RETREG1: variants seen among roughly 807,000 people sequenced by gnomAD.
The protein encoded by RETREG1 is reticulophagy regulator 1.
In RETREG1, 44 loss-of-function variants were observed where a neutral mutation model predicts 54.8. That is an observed-to-expected ratio of 0.80 (90% confidence interval 0.63 to 1.03). The LOEUF (loss-of-function observed/expected upper bound fraction) is 1.03, where lower values mean the gene tolerates loss of function less well. Among genes scored for constraint, RETREG1 ranks in the 50% least tolerant of loss-of-function variants. The pLI is 0.00. For synonymous variants in RETREG1, 217 were observed against 238.5 expected, an observed-to-expected ratio of 0.91 and a Z score of 0.83; for missense variants, 554 against 605.1, an observed-to-expected ratio of 0.92 and a Z score of 0.89.
chr5:16,498,684 C>T (rs370996234), intron 3 of RETREG1, among the ~76,000 whole-genome samples: 16 of 152,274 alleles, frequency 1.1e-4, no homozygotes, highest in African/African-American at 2.4e-4. Flanking sequence ...TGCACTCCAG[C>T]CTGGGCAACA....
intron 2 of RETREG1, among the ~76,000 whole-genome samples, chr5:16,570,908 T>C (rs913634830): frequency 6.6e-6 from 1 of 152,074 alleles, no homozygotes; most frequent in Non-Finnish European, 1.5e-5. Flanking sequence ...CATTGAAGAA[T>C]ACAACTGAAA....
chr5:16,500,366 G>C (rs1561090835), intron 3 of RETREG1, among the ~76,000 whole-genome samples: 1 of 152,156 alleles, frequency 6.6e-6, no homozygotes, highest in Non-Finnish European at 1.5e-5. Context: ...TTACTGGTGT[G>C]GCGGTACAAG....
chr5:16,511,546 A>G (rs1374701020), intron 3 of RETREG1, among the ~76,000 whole-genome samples: 1 of 152,210 alleles, frequency 6.6e-6, no homozygotes, highest in Non-Finnish European at 1.5e-5. Context: ...GCGCCCTGTC[A>G]TGCATGTTAA....
At chr5:16,556,709 T>G (rs1741717864) in intron 3 of RETREG1, among the ~76,000 whole-genome samples, 1 of 152,198 alleles carries the variant, frequency 6.6e-6, no homozygotes, top group African/African-American at 2.4e-5. Flanking sequence ...CTGTTTTGAC[T>G]TGACAAATCT....
rs546179974 is a variant in RETREG1 at position 16,606,691 on chromosome 5, T to A, written c.320+9961A>T. On this transcript the variant is annotated intron_variant, in intron 1 of 8. Transcript: ENST00000306320. The stretch of plus-strand genomic sequence containing the variant: ...CCAAATCATTCTGTCCTCCTGATTT[T>A]ATCTCCAGAGTCACCCCAAATCCAT... Among the ~76,000 whole-genome samples the A allele has an allele frequency of 2.6e-5, 4 of 152,218 alleles. No individual in the cohort carries two copies. In the South Asian group the frequency reaches 6.2e-4, roughly 24 times the overall value.
At chr5:16,528,074 G>A (rs1740779081) in intron 3 of RETREG1, among the ~76,000 whole-genome samples, 1 of 152,022 alleles carries the variant, frequency 6.6e-6, no homozygotes, top group African/African-American at 2.4e-5. Flanking sequence ...CTCCCAAAAT[G>A]CTGGGATTAC....
chr5:16,537,563 T>C (rs1741110661), intron 3 of RETREG1, among the ~76,000 whole-genome samples: 1 of 152,210 alleles, frequency 6.6e-6, no homozygotes, highest in Non-Finnish European at 1.5e-5. Flanking sequence ...CTGGGTGTGA[T>C]GGTGCGCCCC....
At position 16,537,765 on chromosome 5, in the gene RETREG1, CCA is replaced by C. The variant is rs1561111170; in HGVS notation, c.458+27996_458+27997del. On this transcript the variant is annotated intron_variant, in intron 3 of 8. Transcript: ENST00000306320. The stretch of plus-strand genomic sequence containing the variant: ...GGTGGCAGGAGAAAGAGGGTCAGCA[CCA>C]TGCAGCATGCAGCATGCAGCATGCA... Among the ~76,000 whole-genome samples the C allele has an allele frequency of 5.1e-5, 7 of 136,426 alleles. 1 individual carries two copies. The East Asian group carries it at 1.4e-3, about 27-fold the overall frequency. The allele number at this position is 136,426 out of a possible 152,430, so 89.5% of individuals were successfully genotyped here. A position where few individuals can be genotyped will look rare whatever the true frequency, so the allele number is the denominator to read the frequency against.
chr5:16,525,688 G>T (rs138404362), intron 3 of RETREG1, among the ~76,000 whole-genome samples: 1 of 152,108 alleles, frequency 6.6e-6, no homozygotes, highest in African/African-American at 2.4e-5. Context: ...ATAGAGACTC[G>T]GCAGCACTGA....
At position 16,568,789 on chromosome 5, in the gene RETREG1, C is replaced by T. The variant is rs112076298; in HGVS notation, c.428-2996G>A. 5.0e-3 allele frequency among the ~76,000 whole-genome samples: 756 copies of T among 152,018 alleles called. 4 individuals carry two copies. The highest frequency in any genetic ancestry group is 0.018 in the African/African-American group (727 of 41,440). ...GGGATCTGCTATACAACAACATGCA[C>T]GGGAAACAATACTGTACACTTAAAA... is the stretch of plus-strand genomic sequence containing the variant. On this transcript the variant is annotated intron_variant, in intron 2 of 8. Coordinates refer to ENST00000306320, the MANE Select transcript of RETREG1 (RefSeq NM_001034850.3).
chr5:16,560,675 C>T lies in RETREG1; in HGVS notation c.458+5088G>A, dbSNP rs181803020. On this transcript the variant is annotated intron_variant, in intron 3 of 8. Transcript: ENST00000306320. ...CTGTGAATGTGGAGGTGAAAAAACC[C>T]TAATCCCACATGGCTCACATGAGCA... 2.1e-3 allele frequency among the ~76,000 whole-genome samples: 324 copies of T among 152,306 alleles called. 2 individuals carry two copies. Among genetic ancestry groups the T allele is most frequent in the African/African-American group, 7.6e-3 (317 of 41,572 alleles).
intron 3 of RETREG1, among the ~76,000 whole-genome samples, chr5:16,510,800 C>A (rs78621291): frequency 0.19 from 12,748 of 66,960 alleles, 653 homozygotes; most frequent in African/African-American, 0.21. Context: ...GAAAAAACAA[C>A]AAGAACAACA....
intron 3 of RETREG1, among the ~76,000 whole-genome samples, chr5:16,529,211 G>C (rs994331222): frequency 1.3e-5 from 2 of 152,070 alleles, no homozygotes; most frequent in African/African-American, 2.4e-5. Context: ...GTGTCTTGGC[G>C]CCTATCATAG....
chr5:16,494,833 G>A (rs1739391598), intron 3 of RETREG1, among the ~76,000 whole-genome samples: 1 of 152,214 alleles, frequency 6.6e-6, no homozygotes, highest in African/African-American at 2.4e-5. Flanking sequence ...TTGAGACTGG[G>A]TAATAGGCAG....
intron 3 of RETREG1, among the ~76,000 whole-genome samples, chr5:16,514,157 G>A (rs1561098720): frequency 6.6e-6 from 1 of 152,204 alleles, no homozygotes; most frequent in Non-Finnish European, 1.5e-5. Context: ...GGTTTGGGGA[G>A]AGGAGATCAT....
chr5:16,498,767 T>C (rs1739574577), intron 3 of RETREG1, among the ~76,000 whole-genome samples: 1 of 152,220 alleles, frequency 6.6e-6, no homozygotes, highest in East Asian at 1.9e-4. Flanking sequence ...TGGATGGAGC[T>C]TGTAGGACTG....
rs1401847472 is a variant in RETREG1 at position 16,593,716 on chromosome 5, T to C, written c.321-21614A>G. Among the ~76,000 whole-genome samples, 1 of 152,220 alleles carries C rather than the reference T, an allele frequency of 6.6e-6. No homozygotes were observed. The highest frequency in any genetic ancestry group is 1.5e-5 in the Non-Finnish European group (1 of 68,032). ...CTTCTCTTTCAGAAGACCTGGCCTC[T>C]GATAACCAAGAGAAGTAAATCTAGC... On this transcript the variant is annotated intron_variant, in intron 1 of 8. Transcript: ENST00000306320. This position sits in a 1 kb window ranked among gnomAD's most constrained non-coding sequence, Gnocchi z 4.9.
At chr5:16,607,647 T>C (rs1001810953) in intron 1 of RETREG1, among the ~76,000 whole-genome samples, 11 of 152,078 alleles carry the variant, frequency 7.2e-5, no homozygotes, top group Non-Finnish European at 1.3e-4. Flanking sequence ...ATACTTGTTG[T>C]ATATTTTAAT....
Position 16,505,244 on chromosome 5 carries a change from C to G in RETREG1, c.459-21772G>C, listed in dbSNP as rs138017979. ...TTGCAGACAAACTTTTCAGTCCTTA[C>G]TATATGACAAGTCCAGTAGGATGTT... On this transcript the variant is annotated intron_variant, in intron 3 of 8. Transcript: ENST00000306320. Among the ~76,000 whole-genome samples, 9 of 152,258 alleles carry G rather than the reference C, an allele frequency of 5.9e-5. No homozygotes were observed. The East Asian group carries it at 1.7e-3, about 30-fold the overall frequency.
Sources: gnomAD v4.1 joint callset for allele counts (sites outside exome capture counted in the v4.1 genomes callset) on GRCh38, gnomAD v4.1.1 for gene constraint, Gnocchi (gnomAD v3.1) non-coding constraint, MANE v1.5 for transcripts, NCBI Gene and HGNC (gene_info 2026-07-23, HGNC 2026-07-21) for gene names.